OR3A2: variants seen among roughly 807,000 people sequenced by gnomAD.
OR3A2 encodes olfactory receptor 3A2.
For missense variants in OR3A2, 318 were observed against 392.8 expected (o/e 0.81, Z 1.61); for synonymous variants, 126 against 159.3 (o/e 0.79, Z 1.57).
At chr17:3,385,806 T>C in intron 1 of OR3A2, 1 of 397,548 alleles carries the variant, frequency 2.5e-6, no homozygotes, top group East Asian at 3.6e-5. Flanking sequence ...AATTTGTATA[T>C]TTATAAACAT....
rs138705783 is a variant in OR3A2 at position 3,354,599 on chromosome 17, T to C, written c.-178-18473A>G. Among the ~76,000 whole-genome samples the C allele has an allele frequency of 1.3e-4, 19 of 151,496 alleles. No homozygotes were observed. The East Asian group carries it at 3.3e-3, about 26-fold the overall frequency. Reference sequence around the variant, plus strand: ...ATCCTTCAAAGTTCCGTGGTATCAGTAGCAATGAGTCTTTCTTCATCTCCG... The same window carrying C: ...ATCCTTCAAAGTTCCGTGGTATCAGCAGCAATGAGTCTTTCTTCATCTCCG... On this transcript the variant is annotated intron_variant, in intron 2 of 4. Coordinates refer to the OR3A2 transcript ENST00000573491.
At chr17:3,384,225 A>G (rs2049761355) in intron 1 of OR3A2, among the ~76,000 whole-genome samples, 1 of 152,186 alleles carries the variant, frequency 6.6e-6, no homozygotes, top group African/African-American at 2.4e-5. Context: ...GGAGAAAAGA[A>G]TGTGGTGTTT....
At chr17:3,313,969 C>T (rs2049062064) in intron 3 of OR3A2, among the ~76,000 whole-genome samples, 1 of 152,108 alleles carries the variant, frequency 6.6e-6, no homozygotes, top group Admixed American at 6.5e-5. Flanking sequence ...AAAATATCCT[C>T]AAGGTCCCAA....
At chr17:3,360,428 C>T (rs189526734) in intron 2 of OR3A2, among the ~76,000 whole-genome samples, 1 of 151,766 alleles carries the variant, frequency 6.6e-6, no homozygotes, top group East Asian at 1.9e-4. Context: ...TTAATTAGAT[C>T]CCAGTTGTCA....
At chr17:3,319,355 T>C (rs71360921) in intron 3 of OR3A2, among the ~76,000 whole-genome samples, 2,434 of 152,160 alleles carry the variant, frequency 0.016, 26 homozygotes, top group Middle Eastern at 0.075. Context: ...ATTTATATTA[T>C]TTTTATTTTT....
chr17:3,281,541 C>G (rs9913147), intron 1 of OR3A2, among the ~76,000 whole-genome samples: 30,391 of 152,014 alleles, frequency 0.2, 4,053 homozygotes, highest in African/African-American at 0.36. Context: ...GCAGCATCAG[C>G]ATTTTTCAAA....
intron 1 of OR3A2, among the ~76,000 whole-genome samples, chr17:3,283,385 C>T (rs1597316431): frequency 6.6e-6 from 1 of 152,258 alleles, no homozygotes; most frequent in African/African-American, 2.4e-5. Flanking sequence ...GCCACCACGC[C>T]CAGCTAACTT....
chr17:3,305,031 C>T (rs1270705089), intron 3 of OR3A2, among the ~76,000 whole-genome samples: 1 of 152,126 alleles, frequency 6.6e-6, no homozygotes, highest in Admixed American at 6.6e-5. Context: ...TACGGGGTAA[C>T]ATTTTTGGGT....
chr17:3,291,948 G>C, intron 3 of OR3A2: 2 of 1,614,216 alleles, frequency 1.2e-6, no homozygotes, highest in Non-Finnish European at 1.7e-6. Context: ...AGCCATGGGG[G>C]TACCTGCCAT....
intron 2 of OR3A2, among the ~76,000 whole-genome samples, chr17:3,370,696 G>C (rs959494614): frequency 4.6e-5 from 7 of 151,284 alleles, no homozygotes; most frequent in Non-Finnish European, 8.8e-5. Flanking sequence ...CAGGGTCATA[G>C]GACAATAGTG....
At chr17:3,380,442 G>C (rs2049724739) in intron 2 of OR3A2, among the ~76,000 whole-genome samples, 1 of 152,084 alleles carries the variant, frequency 6.6e-6, no homozygotes, top group African/African-American at 2.4e-5. Flanking sequence ...ATGGGTGTTG[G>C]GTGGAATGAT....
intron 2 of OR3A2, among the ~76,000 whole-genome samples, chr17:3,373,938 A>G (rs756439067): frequency 1.3e-5 from 2 of 152,152 alleles, no homozygotes; most frequent in Non-Finnish European, 2.9e-5. Flanking sequence ...GTTGTATTAC[A>G]AAGTTTTATT....
chr17:3,344,338 C>A (rs1356211163), intron 2 of OR3A2, among the ~76,000 whole-genome samples: 2 of 152,136 alleles, frequency 1.3e-5, no homozygotes, highest in Middle Eastern at 3.4e-3. Flanking sequence ...GACCTTCCTG[C>A]TTTGCGTGTC....
Position 3,346,008 on chromosome 17 carries a change from T to G in OR3A2, c.-178-9882A>C, listed in dbSNP as rs568764445. Among the ~76,000 whole-genome samples, 4 of 152,310 alleles carry G rather than the reference T, an allele frequency of 2.6e-5. No homozygotes were observed. In the South Asian group the frequency reaches 6.2e-4, roughly 24 times the overall value. ...GATGAATGAAAGGATTTCTGCTTCT[T>G]CTAACAGCAGGCTAGGTGTTTTGTA... On this transcript the variant is annotated intron_variant, in intron 2 of 4. Coordinates refer to the OR3A2 transcript ENST00000573491.
chr17:3,348,119 G>C (rs1020195148), intron 2 of OR3A2, among the ~76,000 whole-genome samples: 1 of 151,892 alleles, frequency 6.6e-6, no homozygotes, highest in African/African-American at 2.4e-5. Context: ...AAATTTGTTT[G>C]AGTTCATTGT....
chr17:3,324,880 A>G (rs1275941129), intron 3 of OR3A2, among the ~76,000 whole-genome samples: 1 of 152,062 alleles, frequency 6.6e-6, no homozygotes, highest in Non-Finnish European at 1.5e-5. Context: ...GAATGCATGT[A>G]TTAAGTATTT....
intron 3 of OR3A2, among the ~76,000 whole-genome samples, chr17:3,305,963 T>G (rs534094878): frequency 6.6e-6 from 1 of 152,226 alleles, no homozygotes; most frequent in Non-Finnish European, 1.5e-5. Flanking sequence ...AAAATAGTAC[T>G]GTGCTCAATT....
At chr17:3,310,058 A>G (rs931436723) in intron 3 of OR3A2, 1 of 250,112 alleles carries the variant, frequency 4.0e-6, no homozygotes, top group African/African-American at 2.2e-5. Context: ...TTCTACATCA[A>G]TTCATGGATC....
chr17:3,372,324 C>T (rs1248087312), intron 2 of OR3A2, among the ~76,000 whole-genome samples: 27 of 150,444 alleles, frequency 1.8e-4, no homozygotes, highest in African/African-American at 6.6e-4. Context: ...GGCAGAGACA[C>T]TCCTCACTTT....
Sources: allele counts gnomAD v4.1 joint callset (sites outside exome capture counted in the v4.1 genomes callset), GRCh38; gene constraint gnomAD v4.1.1; transcripts MANE v1.5; gene names NCBI Gene and HGNC (gene_info 2026-07-23, HGNC 2026-07-21).